Variants in DAP observed in about 807,000 individuals in gnomAD.
DAP encodes death associated protein, also known as death-associated protein 1.
Under a neutral mutation model 13.8 loss-of-function variants are expected in DAP, and 8 were observed. The observed-to-expected ratio is 0.58, with a 90% confidence interval of 0.34 to 1.05. DAP has a LOEUF of 1.05. Ranked by LOEUF, DAP falls within the 50% of genes least tolerant of loss-of-function variation. The pLI, the probability that DAP is intolerant of heterozygous loss-of-function variation, is 0.03. For missense variants in DAP, 106 were observed against 133.2 expected (o/e 0.80, Z 1.01); for synonymous variants, 47 against 47.5 (o/e 0.99, Z 0.04).
rs569969586 is a variant in DAP at position 10,707,616 on chromosome 5, C to G, written c.153-24045G>C. 1.4e-5 allele frequency among the ~76,000 whole-genome samples: 2 copies of G among 143,356 alleles called. No homozygotes were observed. Among genetic ancestry groups the G allele is most frequent in the Admixed American group, 1.4e-4 (2 of 14,474 alleles). 94.0% of individuals were successfully genotyped at this position (143,356 alleles called of 152,430 possible). On this transcript the variant is annotated intron_variant, in intron 2 of 3. Coordinates refer to ENST00000230895, the MANE Select transcript of DAP (RefSeq NM_004394.3). The surrounding 1 kb of genome is among the most constrained non-coding windows in gnomAD (Gnocchi z 4.0). ...TGTGATTTGTGAGCAGTGTGGTGCA[C>G]AGGCGGCGTGATGTACAGGTGGTGT...
At chr5:10,685,365 CGTG>C (rs1738132057) in intron 2 of DAP, among the ~76,000 whole-genome samples, 1 of 151,942 alleles carries the variant, frequency 6.6e-6, no homozygotes, top group Non-Finnish European at 1.5e-5. Context: ...AGTCCCGCCA[CGTG>C]GTATAACTGA....
intron 2 of DAP, among the ~76,000 whole-genome samples, chr5:10,690,555 A>G (rs1738283225): frequency 6.6e-6 from 1 of 152,132 alleles, no homozygotes; most frequent in African/African-American, 2.4e-5. Flanking sequence ...ATCATACAGT[A>G]CTTGTCTTTT....
intron 2 of DAP, among the ~76,000 whole-genome samples, chr5:10,693,014 C>T (rs146725793): frequency 1.1e-3 from 164 of 152,230 alleles, no homozygotes; most frequent in Non-Finnish European, 2.0e-3. Context: ...AGGGAGGGTC[C>T]GATGTGCATC....
At chr5:10,721,608 G>C (rs1047332143) in intron 2 of DAP, among the ~76,000 whole-genome samples, 3 of 152,092 alleles carry the variant, frequency 2.0e-5, no homozygotes, top group Admixed American at 1.3e-4. Context: ...TAAGGTCGAC[G>C]GGAAACTACA....
chr5:10,701,892 TAA>T (rs1339293989), intron 2 of DAP, among the ~76,000 whole-genome samples: 2 of 152,162 alleles, frequency 1.3e-5, no homozygotes, highest in South Asian at 2.1e-4. Flanking sequence ...CCGGGACACT[TAA>T]GTTTCATTTT....
chr5:10,743,472 CT>C (rs1388496197), intron 2 of DAP, among the ~76,000 whole-genome samples: 1 of 152,150 alleles, frequency 6.6e-6, no homozygotes, highest in East Asian at 1.9e-4. Flanking sequence ...CTGTTTCTTC[CT>C]TCTTTCCACC....
chr5:10,693,682 C>A (rs1738364730), intron 2 of DAP, among the ~76,000 whole-genome samples: 1 of 152,180 alleles, frequency 6.6e-6, no homozygotes, highest in Non-Finnish European at 1.5e-5. Flanking sequence ...AATCTTGGCT[C>A]CAAGCCCAGT....
At chr5:10,688,145 G>A (rs1234052788) in intron 2 of DAP, among the ~76,000 whole-genome samples, 2 of 151,902 alleles carry the variant, frequency 1.3e-5, no homozygotes, top group East Asian at 3.9e-4. Context: ...CGAACTCCTG[G>A]CCTCAAGTGA....
chr5:10,760,979 A>G, intron 1 of DAP, 35 bp downstream of exon 1: 1 of 1,201,404 alleles, frequency 8.3e-7, no homozygotes, highest in South Asian at 3.6e-5. Context: ...CGCCCCCGGC[A>G]CCCGCGCGTG....
intron 1 of DAP, among the ~76,000 whole-genome samples, chr5:10,759,094 G>C (rs1740272084): frequency 6.6e-6 from 1 of 151,660 alleles, no homozygotes; most frequent in Non-Finnish European, 1.5e-5. Flanking sequence ...GGCTGAGGCA[G>C]GAGAATCTCT....
chr5:10,684,497 C>A (rs369014068), intron 2 of DAP, among the ~76,000 whole-genome samples: 1 of 152,212 alleles, frequency 6.6e-6, no homozygotes, highest in African/African-American at 2.4e-5. Flanking sequence ...CAGACAAGCC[C>A]AAACAGGCTC....
intron 2 of DAP, among the ~76,000 whole-genome samples, chr5:10,740,882 A>G (rs758501722): frequency 1.6e-4 from 25 of 152,248 alleles, no homozygotes; most frequent in African/African-American, 5.8e-4. Context: ...TCTTTAAAAG[A>G]TATTTCATAT....
intron 2 of DAP, among the ~76,000 whole-genome samples, chr5:10,733,196 G>GTGTGTGTA (rs1554002007): frequency 4.9e-5 from 6 of 122,810 alleles, no homozygotes; most frequent in African/African-American, 1.8e-4. Context: ...GTGTGTGTGT[G>GTGTGTGTA]TGTGTGTGTG....
chr5:10,687,665 A>G (rs1738188987), intron 2 of DAP, among the ~76,000 whole-genome samples: 1 of 151,582 alleles, frequency 6.6e-6, no homozygotes, highest in African/African-American at 2.4e-5. Flanking sequence ...TGATTTCTTG[A>G]GCTGGAATCT....
intron 2 of DAP, among the ~76,000 whole-genome samples, chr5:10,735,884 G>T (rs887487990): frequency 1.6e-4 from 25 of 152,186 alleles, no homozygotes; most frequent in African/African-American, 5.1e-4. Context: ...TTGAATTTAC[G>T]TTTCCCCCAG....
intron 1 of DAP, among the ~76,000 whole-genome samples, chr5:10,755,502 C>T (rs1032283334): frequency 6.0e-5 from 9 of 149,598 alleles, no homozygotes; most frequent in Non-Finnish European, 1.2e-4. Context: ...CCCAGCACGG[C>T]GACCTACACT....
At chr5:10,719,030 T>C (rs780131176) in intron 2 of DAP, among the ~76,000 whole-genome samples, 1 of 152,198 alleles carries the variant, frequency 6.6e-6, no homozygotes, top group Non-Finnish European at 1.5e-5. Context: ...CGCCAGAGAA[T>C]GAAAAATCAA....
intron 1 of DAP, among the ~76,000 whole-genome samples, chr5:10,750,567 C>A (rs1431517417): frequency 6.6e-6 from 1 of 152,204 alleles, no homozygotes; most frequent in Non-Finnish European, 1.5e-5. Context: ...TGCTCTATAT[C>A]CCATCAATTG....
At chr5:10,693,161 GT>G (rs1738349079) in intron 2 of DAP, among the ~76,000 whole-genome samples, 2 of 89,646 alleles carry the variant, frequency 2.2e-5, no homozygotes, top group Non-Finnish European at 4.6e-5. Flanking sequence ...CACGTGCGTA[GT>G]AGTAGTGAAA....
Sources: gnomAD v4.1 joint callset for allele counts (sites outside exome capture counted in the v4.1 genomes callset) on GRCh38, gnomAD v4.1.1 for gene constraint, Gnocchi (gnomAD v3.1) non-coding constraint, MANE v1.5 for transcripts, NCBI Gene and HGNC (gene_info 2026-07-23, HGNC 2026-07-21) for gene names.